The following NWD1 variants were observed in gnomAD, a reference collection of about 807,000 sequenced individuals.
The protein encoded by NWD1 is NACHT domain- and WD repeat-containing protein 1.
In NWD1, 129 loss-of-function variants were observed where a neutral mutation model predicts 135.1. That is an observed-to-expected ratio of 0.96 (90% CI 0.83 to 1.11). The LOEUF is 1.11. NWD1 is among the 50% of genes least tolerant of loss of function. The pLI, the probability that NWD1 is intolerant of heterozygous loss-of-function variation, is 0.00. For synonymous variants in NWD1, 773 were observed against 786.0 expected (o/e 0.98, Z 0.28); for missense variants, 1,740 against 1,851.3 (o/e 0.94, Z 1.10).
chr19:16,791,159 A>C (rs1035807035), intron 13 of NWD1, among the ~76,000 whole-genome samples, 191 bp from the exon 14 acceptor site: 2 of 152,126 alleles, frequency 1.3e-5, no homozygotes, highest in African/African-American at 4.8e-5. Context: ...GCTTGAGCCC[A>C]GGAGGTCGAT....
chr19:16,731,557 G>A lies in NWD1; in HGVS notation c.81+279G>A, dbSNP rs572769122. The stretch of plus-strand genomic sequence containing the variant: ...CTTGACCTTGTGATCTGCCCGCCTC[G>A]GCCTCCCAAAATGCTGGGATTACAG... On this transcript the variant is annotated intron_variant, in intron 3 of 18. Coordinates refer to ENST00000524140, the MANE Select transcript of NWD1 (RefSeq NM_001007525.5). 3.4e-4 allele frequency among the ~76,000 whole-genome samples: 51 copies of A among 150,292 alleles called. No homozygotes were observed. The South Asian group carries it at 0.01, about 30-fold the overall frequency.
intron 11 of NWD1, among the ~76,000 whole-genome samples, chr19:16,774,515 T>A (rs1280108654): frequency 2.6e-5 from 4 of 151,458 alleles, no homozygotes; most frequent in Admixed American, 2.0e-4. Flanking sequence ...ACCCTACCAC[T>A]GTTTCATTTA....
intron 12 of NWD1, among the ~76,000 whole-genome samples, chr19:16,781,126 A>C (rs1253191152): frequency 6.6e-6 from 1 of 152,122 alleles, no homozygotes; most frequent in African/African-American, 2.4e-5. Flanking sequence ...TCTGTAATCA[A>C]TTGTTGAGTG....
chr19:16,793,413 T>C (rs1970314548), intron 14 of NWD1, among the ~76,000 whole-genome samples: 2 of 151,798 alleles, frequency 1.3e-5, no homozygotes, highest in Admixed American at 1.3e-4. Flanking sequence ...ATTATTATTA[T>C]TATTTTGTAG....
At chr19:16,767,982 C>CT (rs963453075) in intron 10 of NWD1, among the ~76,000 whole-genome samples, 5,397 of 83,786 alleles carry the variant, frequency 0.064, 389 homozygotes, top group Non-Finnish European at 0.084. Context: ...AATTTCCTTC[C>CT]TTTTTTTTTT....
chr19:16,740,957 A>G (rs1968054444), intron 4 of NWD1, among the ~76,000 whole-genome samples: 1 of 152,042 alleles, frequency 6.6e-6, no homozygotes, highest in Non-Finnish European at 1.5e-5. Context: ...TCAGGAATTC[A>G]AGACCAGCCT....
At chr19:16,733,184 G>A (rs1350189269) in intron 3 of NWD1, among the ~76,000 whole-genome samples, 1 of 151,620 alleles carries the variant, frequency 6.6e-6, no homozygotes, top group Admixed American at 6.6e-5. Flanking sequence ...TGGAGCCACT[G>A]CACTCTAGCC....
Position 16,808,110 on chromosome 19 carries a change from A to G in NWD1, c.4261A>G (p.Lys1421Glu), listed in dbSNP as rs762430334. ...LLCLWDLQAR[K>E]WKFEMSYTAP... ...GTGTCTCTGGGACCTGCAGGCACGC[A>G]AGTGGAAATTCGAGATGAGCTACAC... The change falls in exon 18 of 19, where the codon AAG becomes GAG. Residue 1421 changes from lysine to glutamate, a missense_variant. Transcript: ENST00000524140. 4.3e-5 allele frequency: 69 copies of G among 1,613,780 alleles called. No homozygotes were observed. Among genetic ancestry groups the G allele is most frequent in the Non-Finnish European group, 5.7e-5 (67 of 1,180,000 alleles).
rs892033552 is a variant in NWD1, at chr19:16,794,322, T to C, written c.3214-141T>C. 76 of 535,200 alleles carry C rather than the reference T, an allele frequency of 1.4e-4. 1 individual carries two copies. Among genetic ancestry groups the C allele is most frequent in the South Asian group, 5.7e-4 (24 of 42,008 alleles). 33.2% of individuals were successfully genotyped at this position (535,200 alleles called of 1,614,324 possible). On this transcript the variant is annotated intron_variant, in intron 14 of 18. Transcript: ENST00000524140. ...CGGAGGTTGCAGTGAGCCAAGATCATACCACCGCACTCCTGCCTGGGAGAC... is the reference window on the plus strand; with the variant it reads ...CGGAGGTTGCAGTGAGCCAAGATCACACCACCGCACTCCTGCCTGGGAGAC...
chr19:16,750,160 C>T lies in NWD1; in HGVS notation c.1518C>T (p.Leu506=). 1 of 1,613,812 alleles carries T rather than the reference C, an allele frequency of 6.2e-7. No individual in the cohort carries two copies. The highest frequency in any genetic ancestry group is 8.5e-7 in the Non-Finnish European group (1 of 1,179,946). ...SGNQGQQMIQ[L]LLAAARRTLS... is the part of the protein sequence containing the mutation. ...ACCAAGGCCAGCAGATGATCCAACT[C>T]CTGCTGGCAGCTGCAAGGAGGACGC... Residue 506 remains leucine, a synonymous_variant, in exon 6 of 19, where the codon CTC becomes CTT. Coordinates refer to ENST00000524140, the MANE Select transcript of NWD1 (RefSeq NM_001007525.5).
intron 17 of NWD1, 23 bp downstream of exon 17, chr19:16,800,185 C>A (rs1970558542): frequency 1.9e-6 from 3 of 1,577,404 alleles, no homozygotes; most frequent in South Asian, 2.3e-5. Flanking sequence ...TAAGTATGGT[C>A]ATTTTTGTGG....
intron 2 of NWD1, 110 bp from the exon 3 acceptor site, chr19:16,731,081 CA>C (rs1182895324): frequency 5.1e-5 from 31 of 612,642 alleles, no homozygotes; most frequent in East Asian, 2.1e-4. Flanking sequence ...CCATTCTCCA[CA>C]AAAAAGGGGA....
chr19:16,764,857 G>T (rs1969161668), intron 9 of NWD1, among the ~76,000 whole-genome samples, 177 bp from the exon 10 acceptor site: 1 of 152,250 alleles, frequency 6.6e-6, no homozygotes. Flanking sequence ...CAGGGTTGCT[G>T]CTTTACATCC....
rs776990098 is a variant in NWD1, at chr19:16,800,062, G to A, written c.3636G>A (p.Leu1212=). Residue 1212 remains leucine, a synonymous_variant, in exon 17 of 19, where the codon CTG becomes CTA. Transcript: ENST00000524140. ...GGTCCCGGGTGCCTGCACCATTTCT[G>A]GACCGCACCGGCCTCACCGCAGTGT... The part of the protein sequence containing the change: ...AHRSRVPAPF[L]DRTGLTAVSH... The A allele has an allele frequency of 1.2e-6, 2 of 1,614,204 alleles. No homozygotes were observed. The highest frequency in any genetic ancestry group is 2.7e-5 in the African/African-American group (2 of 75,068).
intron 12 of NWD1, among the ~76,000 whole-genome samples, chr19:16,786,519 A>G (rs1970045920): frequency 6.6e-6 from 1 of 151,368 alleles, no homozygotes; most frequent in South Asian, 2.1e-4. Flanking sequence ...AGTAGTCCCC[A>G]GTATCTGTTG....
In NWD1 at chr19:16,739,352, AAAAT is replaced by A. The variant is rs1184221549; in HGVS notation, c.198+2603_198+2606del. 2.2e-3 allele frequency among the ~76,000 whole-genome samples: 326 copies of A among 149,780 alleles called. 2 individuals carry two copies. Among genetic ancestry groups the A allele is most frequent in the African/African-American group, 7.9e-3 (316 of 40,060 alleles). The stretch of plus-strand genomic sequence containing the variant: ...ACCAAAAAAAAAAAAAAAAAAAAAA[AAAAT>A]TATTTTTTTAAGGAAGAAAGGGAAA... On this transcript the variant is annotated intron_variant, in intron 4 of 18. Transcript: ENST00000524140.
rs1292764343 is a variant in NWD1, at chr19:16,732,315, G to A, written c.81+1037G>A. On this transcript the variant is annotated intron_variant, in intron 3 of 18. Transcript: ENST00000524140. ...TGTAGAAAAGTGAGTAGGAGTGAAT[G>A]CTTTTGAACACAGATTCATCGCTGT... Among the ~76,000 whole-genome samples, 9 of 151,858 alleles carry A rather than the reference G, an allele frequency of 5.9e-5. No homozygotes were observed. In the East Asian group the frequency reaches 1.7e-3, roughly 29 times the overall value.
At chr19:16,732,457 A>G (rs764847216) in intron 3 of NWD1, among the ~76,000 whole-genome samples, 1 of 151,562 alleles carries the variant, frequency 6.6e-6, no homozygotes, top group Non-Finnish European at 1.5e-5. Flanking sequence ...GGAGGAGTAT[A>G]AGAGGGCTTT....
At position 16,794,554 on chromosome 19, in the gene NWD1, G is replaced by A; in HGVS notation, c.3304+1G>A. The A allele has an allele frequency of 6.3e-7, 1 of 1,590,832 alleles. No individual in the cohort carries two copies. Among genetic ancestry groups the A allele is most frequent in the Non-Finnish European group, 8.6e-7 (1 of 1,163,546 alleles). On this transcript the variant is annotated splice_donor_variant, in intron 15 of 18. Coordinates refer to ENST00000524140, the MANE Select transcript of NWD1 (RefSeq NM_001007525.5). LOFTEE classifies it high-confidence loss of function. ...GAAGATGAGTCCCTCCTCGCCGCAG[G>A]TAGCGTTTAGCTCTCATTTGGAGTA...
Sources: gnomAD v4.1 joint callset for allele counts (sites outside exome capture counted in the v4.1 genomes callset) on GRCh38, gnomAD v4.1.1 for gene constraint, MANE v1.5 for transcripts, NCBI Gene and HGNC (gene_info 2026-07-23, HGNC 2026-07-21) for gene names.